WDR49: variants seen among roughly 807,000 people sequenced by gnomAD.
WDR49 encodes WD repeat domain 49, also known as cilia- and flagella-associated protein 337.
A neutral mutation model predicts 119.5 loss-of-function variants in WDR49; 107 were observed. That is an observed-to-expected ratio of 0.90 (90% confidence interval 0.77 to 1.05). The LOEUF (loss-of-function observed/expected upper bound fraction) is 1.05, where lower values mean the gene tolerates loss of function less well. Ranked by LOEUF, WDR49 falls within the 50% of genes least tolerant of loss-of-function variation. The pLI is 0.00. For missense variants in WDR49, 1,240 were observed against 1,220.5 expected (o/e 1.02, Z -0.24); for synonymous variants, 425 against 418.8 (o/e 1.01, Z -0.18).
intron 17 of WDR49, among the ~76,000 whole-genome samples, chr3:167,501,999 C>T (rs184850438): frequency 6.6e-6 from 1 of 152,260 alleles, no homozygotes; most frequent in Admixed American, 6.5e-5. Context: ...TAATCCCCAG[C>T]ATTGGAGATG....
chr3:167,498,382 G>T (rs1751438587), intron 18 of WDR49, among the ~76,000 whole-genome samples: 1 of 152,162 alleles, frequency 6.6e-6, no homozygotes, highest in African/African-American at 2.4e-5. Flanking sequence ...ACTCAAAGAA[G>T]GGCCTGAGGG....
intron 5 of WDR49, among the ~76,000 whole-genome samples, chr3:167,605,103 TACAC>T (rs147965737): frequency 0.029 from 4,262 of 147,018 alleles, 177 homozygotes; most frequent in East Asian, 0.17. Context: ...TGTATATATA[TACAC>T]ACACACACAC....
In WDR49 at chr3:167,482,561, C is replaced by T. The variant is rs542289872; in HGVS notation, c.3032-3565G>A. Among the ~76,000 whole-genome samples, 4 of 151,138 alleles carry T rather than the reference C, an allele frequency of 2.6e-5. No homozygotes were observed. In the East Asian group the frequency reaches 7.8e-4, roughly 29 times the overall value. On this transcript the variant is annotated intron_variant, in intron 18 of 18. Coordinates refer to ENST00000682715, the MANE Select transcript of WDR49 (RefSeq NM_001366157.1). ...GGGCCTGGTGGTGGGCGCCTGTGGTCCCAGCTACTCGGGAGGCTGAGGCAG... is the reference window on the plus strand; with the variant it reads ...GGGCCTGGTGGTGGGCGCCTGTGGTTCCAGCTACTCGGGAGGCTGAGGCAG...
intron 5 of WDR49, among the ~76,000 whole-genome samples, chr3:167,612,172 CAA>C (rs1437192671): frequency 1.3e-5 from 2 of 151,998 alleles, no homozygotes; most frequent in Non-Finnish European, 2.9e-5. Context: ...AAACTACTAA[CAA>C]GAGTAATTCT....
At chr3:167,502,642 C>G (rs897256342) in intron 17 of WDR49, among the ~76,000 whole-genome samples, 2 of 152,138 alleles carry the variant, frequency 1.3e-5, no homozygotes, top group East Asian at 3.9e-4. Flanking sequence ...TTACCAAAGA[C>G]CTTAGCTGCA....
intron 5 of WDR49, among the ~76,000 whole-genome samples, chr3:167,607,215 C>T (rs1333629261): frequency 3.9e-5 from 6 of 152,094 alleles, no homozygotes; most frequent in African/African-American, 9.7e-5. Flanking sequence ...TTAGACTTTA[C>T]GGCTACCTTT....
intron 18 of WDR49, 27 bp from the exon 19 acceptor site, chr3:167,479,023 G>A: frequency 1.3e-6 from 2 of 1,502,478 alleles, no homozygotes; most frequent in South Asian, 1.2e-5. Flanking sequence ...AAAATCACAA[G>A]TGAATTATAT....
chr3:167,592,018 G>A (rs1476789773), intron 7 of WDR49, among the ~76,000 whole-genome samples: 1 of 151,940 alleles, frequency 6.6e-6, no homozygotes, highest in Non-Finnish European at 1.5e-5. Flanking sequence ...GATTGTCACT[G>A]GTCATATGAT....
At chr3:167,570,863 A>C (rs112006278) in intron 8 of WDR49, among the ~76,000 whole-genome samples, 63,552 of 151,754 alleles carry the variant, frequency 0.42, 14,803 homozygotes, top group African/African-American at 0.64. Flanking sequence ...TGGTGAAACC[A>C]TGTCTCTACT....
intron 5 of WDR49, among the ~76,000 whole-genome samples, chr3:167,618,828 T>C (rs555843649): frequency 3.3e-5 from 5 of 152,254 alleles, no homozygotes; most frequent in Admixed American, 6.5e-5. Flanking sequence ...ACATGGTAAG[T>C]AGCAAATCAA....
chr3:167,540,779 A>C (rs1711767862), intron 10 of WDR49, among the ~76,000 whole-genome samples: 1 of 152,256 alleles, frequency 6.6e-6, no homozygotes, highest in African/African-American at 2.4e-5. Flanking sequence ...AAAACTGAAA[A>C]GCAATGAAAA....
At chr3:167,490,660 G>A (rs1165718890) in intron 18 of WDR49, among the ~76,000 whole-genome samples, 2 of 152,116 alleles carry the variant, frequency 1.3e-5, no homozygotes, top group African/African-American at 4.8e-5. Context: ...AAGGGCTAAT[G>A]TGAAACATTG....
At chr3:167,600,575 A>C (rs971993830) in intron 7 of WDR49, among the ~76,000 whole-genome samples, 2 of 152,142 alleles carry the variant, frequency 1.3e-5, no homozygotes, top group African/African-American at 2.4e-5. Flanking sequence ...CTATCCCATG[A>C]TCTTGCTCCA....
chr3:167,513,857 A>G (rs1031606147), intron 16 of WDR49, among the ~76,000 whole-genome samples: 4 of 152,202 alleles, frequency 2.6e-5, no homozygotes, highest in African/African-American at 9.7e-5. Flanking sequence ...ATCAAAAAAG[A>G]CAAAAAAAGG....
At chr3:167,641,223 T>C (rs1717866759) in intron 2 of WDR49, among the ~76,000 whole-genome samples, 2 of 151,904 alleles carry the variant, frequency 1.3e-5, no homozygotes, top group Admixed American at 6.6e-5. Flanking sequence ...CCATGAGTTA[T>C]GTGTTTTTAT....
chr3:167,591,199 T>C (rs1046804825), intron 7 of WDR49, among the ~76,000 whole-genome samples: 2 of 152,148 alleles, frequency 1.3e-5, no homozygotes, highest in Non-Finnish European at 2.9e-5. Context: ...TTAATTTCCA[T>C]GTATTTGTAC....
At chr3:167,650,471 T>C (rs1253654411) in intron 2 of WDR49, among the ~76,000 whole-genome samples, 1 of 152,216 alleles carries the variant, frequency 6.6e-6, no homozygotes, top group Non-Finnish European at 1.5e-5. Flanking sequence ...TACTTTTCTG[T>C]GCTTCTACCC....
Position 167,541,721 on chromosome 3 carries a change from A to G in WDR49, c.1824-4721T>C, listed in dbSNP as rs1201471692. 3.9e-5 allele frequency among the ~76,000 whole-genome samples: 6 copies of G among 152,296 alleles called. No homozygotes were observed. The South Asian group carries it at 1.0e-3, about 26-fold the overall frequency. The stretch of plus-strand genomic sequence containing the variant: ...ACGTCTCAATACTAACATTGAATGT[A>G]AAAGGCCTAAATGCTCTGCTTAAAG... On this transcript the variant is annotated intron_variant, in intron 10 of 18. Transcript: ENST00000682715.
chr3:167,498,827 T>C (rs1177520615), intron 18 of WDR49, among the ~76,000 whole-genome samples: 9 of 152,054 alleles, frequency 5.9e-5, no homozygotes, highest in Non-Finnish European at 1.3e-4. Flanking sequence ...CTCAGTCAGA[T>C]AAGGGAATTT....
Sources: allele counts gnomAD v4.1 joint callset (sites outside exome capture counted in the v4.1 genomes callset), GRCh38; gene constraint gnomAD v4.1.1; transcripts MANE v1.5; gene names NCBI Gene and HGNC (gene_info 2026-07-23, HGNC 2026-07-21).